The following EPHB1 variants were observed in gnomAD, a reference collection of about 807,000 sequenced individuals.
EPHB1 encodes EPH receptor B1.
In EPHB1, 30 loss-of-function variants were observed where a neutral mutation model predicts 94.4. The ratio of observed to expected loss-of-function variants is 0.32; its 90% CI spans 0.24 to 0.43. The LOEUF is 0.43. Among genes scored for constraint, EPHB1 ranks in the 20% least tolerant of loss-of-function variants. EPHB1 has a pLI of 1.00. For synonymous variants in EPHB1, 522 were observed against 489.1 expected (o/e 1.07, Z -0.89); for missense variants, 1,055 against 1,308.3 (o/e 0.81, Z 2.99).
At chr3:135,254,932 G>T (rs1159770368) in intron 15 of EPHB1, among the ~76,000 whole-genome samples, 1 of 152,112 alleles carries the variant, frequency 6.6e-6, no homozygotes, top group African/African-American at 2.4e-5. Context: ...ACTTCTTCCT[G>T]GTTTAGTCTT....
intron 3 of EPHB1, among the ~76,000 whole-genome samples, chr3:135,102,446 A>G (rs1473486917): frequency 6.6e-6 from 1 of 152,036 alleles, no homozygotes; most frequent in Non-Finnish European, 1.5e-5. Context: ...TTTCTTATTT[A>G]TTTTTCTATG....
intron 1 of EPHB1, among the ~76,000 whole-genome samples, chr3:134,880,991 G>A (rs1021507324): frequency 3.9e-5 from 6 of 152,146 alleles, no homozygotes; most frequent in African/African-American, 9.7e-5. Flanking sequence ...TCACTGGAGC[G>A]GCACCATTTC....
At chr3:134,798,681 C>G (rs930868198) in intron 1 of EPHB1, among the ~76,000 whole-genome samples, 1 of 152,168 alleles carries the variant, frequency 6.6e-6, no homozygotes, top group Non-Finnish European at 1.5e-5. Flanking sequence ...ACTGCCTCTT[C>G]AAGCCCACCG....
chr3:134,899,497 C>T (rs1560287507), intron 1 of EPHB1, among the ~76,000 whole-genome samples: 1 of 152,164 alleles, frequency 6.6e-6, no homozygotes, highest in Non-Finnish European at 1.5e-5. Flanking sequence ...CCTACTCAAG[C>T]GCTAAGCCTC....
intron 3 of EPHB1, among the ~76,000 whole-genome samples, chr3:135,056,282 C>T (rs1181323880): frequency 1.3e-5 from 2 of 152,336 alleles, no homozygotes; most frequent in South Asian, 4.1e-4. Flanking sequence ...CCTGCTCACC[C>T]TCCGTGGCCT....
intron 3 of EPHB1, among the ~76,000 whole-genome samples, chr3:135,014,981 G>A (rs1401435176): frequency 6.6e-6 from 1 of 152,180 alleles, no homozygotes. Context: ...TTAACCCCCT[G>A]TCTTTAGGAA....
intron 1 of EPHB1, among the ~76,000 whole-genome samples, chr3:134,827,382 CACACACAT>C (rs1313962547): frequency 2.6e-5 from 4 of 152,134 alleles, no homozygotes; most frequent in Admixed American, 1.3e-4. Context: ...CACACACACA[CACACACAT>C]ACACACACAC....
chr3:134,842,102 G>A (rs1183280781), intron 1 of EPHB1, among the ~76,000 whole-genome samples: 2 of 152,102 alleles, frequency 1.3e-5, no homozygotes, highest in East Asian at 3.9e-4. Flanking sequence ...CATGACAGTG[G>A]CCCCTTCATG....
At chr3:135,162,290 A>T in intron 7 of EPHB1, 110 bp downstream of exon 7, 1 of 1,250,186 alleles carries the variant, frequency 8.0e-7, no homozygotes, top group African/African-American at 1.5e-5. Flanking sequence ...ACTGGATTCC[A>T]GTGGAATTCC....
chr3:134,824,563 G>T (rs2036442052), intron 1 of EPHB1, among the ~76,000 whole-genome samples: 1 of 152,184 alleles, frequency 6.6e-6, no homozygotes, highest in Non-Finnish European at 1.5e-5. Flanking sequence ...TTGGTGATGG[G>T]AACTTGCCAA....
chr3:135,032,518 G>A lies in EPHB1; in HGVS notation c.806-73930G>A, dbSNP rs559585660. ...TCTGAATCCTCTGTTTGTAGGTTTT[G>A]TTACCTCAGACTGAGGGCTTAAAAA... On this transcript the variant is annotated intron_variant, in intron 3 of 15. Coordinates refer to ENST00000398015, the MANE Select transcript of EPHB1 (RefSeq NM_004441.5). Among the ~76,000 whole-genome samples, 8 of 152,032 alleles carry A rather than the reference G, an allele frequency of 5.3e-5. No homozygotes were observed. The South Asian group carries it at 1.2e-3, about 24-fold the overall frequency.
chr3:135,142,647 A>G (rs1940866328), intron 5 of EPHB1, among the ~76,000 whole-genome samples: 2 of 152,146 alleles, frequency 1.3e-5, no homozygotes, highest in Admixed American at 1.3e-4. Flanking sequence ...GAATATTTAG[A>G]CTTGTGATTT....
At chr3:135,203,899 A>G (rs1046892168) in intron 12 of EPHB1, among the ~76,000 whole-genome samples, 1 of 152,184 alleles carries the variant, frequency 6.6e-6, no homozygotes, top group African/African-American at 2.4e-5. Flanking sequence ...CATCCTCACC[A>G]GGCCTGGAGG....
chr3:135,194,492 AC>A (rs762999108), intron 11 of EPHB1, among the ~76,000 whole-genome samples: 6 of 152,222 alleles, frequency 3.9e-5, no homozygotes, highest in Admixed American at 6.5e-5. Context: ...GGCTGATGGA[AC>A]AGCGAAACAG....
intron 1 of EPHB1, among the ~76,000 whole-genome samples, chr3:134,914,997 GA>G (rs1386770428): frequency 1.3e-5 from 2 of 152,138 alleles, no homozygotes; most frequent in Non-Finnish European, 2.9e-5. Flanking sequence ...GGACCTTGAG[GA>G]GCAAATAGAA....
chr3:135,032,832 C>G (rs1283613831), intron 3 of EPHB1, among the ~76,000 whole-genome samples: 1 of 152,218 alleles, frequency 6.6e-6, no homozygotes, highest in Non-Finnish European at 1.5e-5. Context: ...GTTCCAGTGA[C>G]AAAGAAGCTC....
At chr3:134,795,779 C>T in intron 1 of EPHB1, 90 bp downstream of exon 1, 3 of 1,406,472 alleles carry the variant, frequency 2.1e-6, no homozygotes, top group East Asian at 2.4e-5. Context: ...CCTCTGGCTG[C>T]TTTGCGGTGC....
At chr3:135,042,911 G>A (rs1055797152) in intron 3 of EPHB1, among the ~76,000 whole-genome samples, 1 of 151,874 alleles carries the variant, frequency 6.6e-6, no homozygotes, top group Non-Finnish European at 1.5e-5. Context: ...GCGCAATCTC[G>A]GCTCACTGCA....
At chr3:134,799,748 C>G (rs1050229896) in intron 1 of EPHB1, among the ~76,000 whole-genome samples, 1 of 152,278 alleles carries the variant, frequency 6.6e-6, no homozygotes, top group South Asian at 2.1e-4. Context: ...GATCTCAGAG[C>G]CCCTACTTTG....
Sources: allele counts gnomAD v4.1 joint callset (sites outside exome capture counted in the v4.1 genomes callset), GRCh38; gene constraint gnomAD v4.1.1; transcripts MANE v1.5; gene names NCBI Gene and HGNC (gene_info 2026-07-23, HGNC 2026-07-21).